TRIM51: variants seen among roughly 807,000 people sequenced by gnomAD.
TRIM51 encodes the protein tripartite motif-containing 51, also known as tripartite motif-containing protein 51.
Under a neutral mutation model 32.7 loss-of-function variants are expected in TRIM51, and 23 were observed. The ratio of observed to expected loss-of-function variants is 0.70; its 90% CI spans 0.51 to 1.00. The LOEUF (loss-of-function observed/expected upper bound fraction) is 1.00, where lower values mean the gene tolerates loss of function less well. TRIM51 is among the 50% of genes least tolerant of loss of function. The pLI, the probability that TRIM51 is intolerant of heterozygous loss-of-function variation, is 0.00. For synonymous variants in TRIM51, 177 were observed against 181.9 expected, an observed-to-expected ratio of 0.97 and a Z score of 0.22; for missense variants, 592 against 539.2, an observed-to-expected ratio of 1.10 and a Z score of -0.97.
chr11:55,884,182 T>TATATATATATATATAC lies in TRIM51; in HGVS notation c.-5+799_-5+800insTATATATATATATACA, dbSNP rs1458218535. On this transcript the variant is annotated intron_variant, in intron 1 of 6. Coordinates refer to ENST00000449290, the MANE Select transcript of TRIM51 (RefSeq NM_032681.4). ...CTATATATATATATATATATATATA[T>TATATATATATATATAC]ACACATACCAAAAATACTTACAATT... Among the ~76,000 whole-genome samples the TATATATATATATATAC allele has an allele frequency of 1.4e-3, 152 of 110,092 alleles. 1 individual carries two copies. Among genetic ancestry groups the TATATATATATATATAC allele is most frequent in the Non-Finnish European group, 2.2e-3 (118 of 53,572 alleles). The allele number at this position is 110,092 out of a possible 152,430, so 72.2% of individuals were successfully genotyped here.
intron 6 of TRIM51, among the ~76,000 whole-genome samples, chr11:55,890,350 G>T (rs1006062717): frequency 6.6e-6 from 1 of 152,020 alleles, no homozygotes; most frequent in Non-Finnish European, 1.5e-5. Flanking sequence ...ATAATCCAAG[G>T]TTACATAAAA....
chr11:55,884,509 A>C (rs986808172), intron 1 of TRIM51, among the ~76,000 whole-genome samples: 2 of 151,936 alleles, frequency 1.3e-5, no homozygotes, highest in Non-Finnish European at 2.9e-5. Flanking sequence ...AATCAGCTTC[A>C]GGAGAAAGAG....
At position 55,885,647 on chromosome 11, in the gene TRIM51, G is replaced by A; in HGVS notation, c.219G>A (p.Met73Ile). Reference protein sequence around the residue: ...NLNTDICLKNMAFIARKASLR... With the variant: ...NLNTDICLKNIAFIARKASLR... ...ACACTGACATTTGTTTGAAGAACAT[G>A]GCTTTCATTGCCAGAAAAGCCAGCC... Residue 73 changes from methionine to isoleucine, a missense_variant, in exon 2 of 7, where the codon ATG (methionine) becomes ATA (isoleucine). Coordinates refer to ENST00000449290, the MANE Select transcript of TRIM51 (RefSeq NM_032681.4). 6.2e-7 allele frequency: 1 copy of A among 1,610,656 alleles called. No individual in the cohort carries two copies. Among genetic ancestry groups the A allele is most frequent in the African/African-American group, 1.3e-5 (1 of 74,918 alleles).
chr11:55,888,208 A>G lies in TRIM51; in HGVS notation c.684A>G (p.Gly228=). ...AACATTCCAGGGAGCTTTTAAGAGG[A>G]ATGTATGAGGATCTGAAGCAAATGT... ...RMEHSRELLR[G]MYEDLKQMCH... The change falls in exon 4 of 7, where the codon GGA becomes GGG. Residue 228 remains glycine (G), a synonymous_variant. Transcript: ENST00000449290. 1 of 1,613,646 alleles carries G rather than the reference A, an allele frequency of 6.2e-7. No homozygotes were observed. Among genetic ancestry groups the G allele is most frequent in the Non-Finnish European group, 8.5e-7 (1 of 1,179,642 alleles).
chr11:55,890,030 G>A lies in TRIM51; in HGVS notation c.850G>A (p.Gly284Arg). ...CACTGGACTGCTGGACAGCCTCAGT[G>A]GATTCAGAGGTGAGTGTCAGCCCAT... The part of the protein sequence containing the change: ...PITGLLDSLS[G>R]FRVDFTLQPE... Residue 284 changes from glycine (G) to arginine (R), a missense_variant, in exon 6 of 7, where the codon GGA (glycine) becomes AGA (arginine). Transcript: ENST00000449290. 6.2e-7 allele frequency: 1 copy of A among 1,611,858 alleles called. No individual in the cohort carries two copies. The highest frequency in any genetic ancestry group is 8.5e-7 in the Non-Finnish European group (1 of 1,178,274).
chr11:55,886,457 C>G (rs1193543544), intron 3 of TRIM51, among the ~76,000 whole-genome samples: 2 of 152,132 alleles, frequency 1.3e-5, no homozygotes, highest in African/African-American at 4.8e-5. Flanking sequence ...AAACCTATAG[C>G]AATACCCCAG....
chr11:55,889,151 T>C, intron 5 of TRIM51, 150 bp downstream of exon 5: 2 of 752,272 alleles, frequency 2.7e-6, no homozygotes, highest in African/African-American at 1.8e-5. Context: ...TAGTCATCTA[T>C]TTTGTTGCCA....
At chr11:55,886,089 C>G in intron 2 of TRIM51, 34 bp from the exon 3 acceptor site, 1 of 1,587,466 alleles carries the variant, frequency 6.3e-7, no homozygotes, top group South Asian at 1.1e-5. Flanking sequence ...CTTTATTGTC[C>G]TCACTTGTGC....
chr11:55,885,390 G>A (rs2134533592), intron 1 of TRIM51, 35 bp from the exon 2 acceptor site: 1 of 1,610,854 alleles, frequency 6.2e-7, no homozygotes. Flanking sequence ...CACCAACCCA[G>A]ACCCCAAAAT....
At chr11:55,887,362 A>G (rs1854590249) in intron 3 of TRIM51, among the ~76,000 whole-genome samples, 1 of 151,748 alleles carries the variant, frequency 6.6e-6, no homozygotes, top group Admixed American at 6.6e-5. Flanking sequence ...ACACAGATAC[A>G]CATATATATT....
chr11:55,886,231 T>A lies in TRIM51; in HGVS notation c.507+13T>A. 6.3e-7 allele frequency: 1 copy of A among 1,597,666 alleles called. No individual in the cohort carries two copies. The highest frequency in any genetic ancestry group is 8.6e-7 in the Non-Finnish European group (1 of 1,165,598). On this transcript the variant is annotated intron_variant, in intron 3 of 6. Transcript: ENST00000449290. ...CAGATGCTGGAAGGTTAGTACCGTA[T>A]GACTCTACCTTCTCCGGGAACTTAT... is the stretch of plus-strand genomic sequence containing the variant.
chr11:55,891,271 C>T lies in TRIM51; in HGVS notation c.998C>T (p.Ala333Val), dbSNP rs151088179. ...GKSECFLVWG[A>V]QAFTSGKYYW... The stretch of plus-strand genomic sequence containing the variant: ...TCTGAATGTTTTCTTGTATGGGGGG[C>T]TCAGGCTTTCACATCTGGCAAATAT... Residue 333 changes from alanine (A) to valine (V), a missense_variant, in exon 7 of 7, where the codon GCT (alanine) becomes GTT (valine). Ala to Val is a moderately conservative substitution (Grantham distance 64). Coordinates refer to ENST00000449290, the MANE Select transcript of TRIM51 (RefSeq NM_032681.4). 1.4e-4 allele frequency: 233 copies of T among 1,609,542 alleles called. 2 individuals are homozygous for T. In the African/African-American group the frequency reaches 2.1e-3, roughly 14 times the overall value.
intron 1 of TRIM51, among the ~76,000 whole-genome samples, chr11:55,884,816 G>T (rs1854553922): frequency 6.6e-6 from 1 of 151,902 alleles, no homozygotes; most frequent in Admixed American, 6.6e-5. Context: ...GCCCAAAGAA[G>T]AAGTTAATTT....
rs113314326 is a variant in TRIM51, at chr11:55,885,557, G to T, written c.129G>T (p.Trp43Cys). 3.7e-6 allele frequency: 6 copies of T among 1,611,916 alleles called. 1 individual carries two copies. In the African/African-American group the frequency reaches 6.7e-5, roughly 18 times the overall value. ...GCCGGCCCTGTTTGTACCTCAACTG[G>T]CAAGACACGGCAGTTCTTGCTCAGT... Reference protein sequence around the residue: ...SFCRPCLYLNWQDTAVLAQCS... With the variant: ...SFCRPCLYLNCQDTAVLAQCS... The change falls in exon 2 of 7, where the codon TGG becomes TGT. Residue 43 changes from tryptophan (W) to cysteine (C), a missense_variant. Transcript: ENST00000449290.
intron 1 of TRIM51, among the ~76,000 whole-genome samples, chr11:55,884,885 C>G (rs981747014): frequency 6.6e-6 from 1 of 151,774 alleles, no homozygotes; most frequent in Non-Finnish European, 1.5e-5. Context: ...CCTAGTGATC[C>G]TAGACTGGTT....
chr11:55,891,109 A>G (rs747753311), intron 6 of TRIM51, 24 bp from the exon 7 acceptor site: 29 of 1,563,602 alleles, frequency 1.9e-5, no homozygotes, highest in Non-Finnish European at 2.5e-5. Context: ...ATGTATCTAT[A>G]TTTTTTAAAA....
In TRIM51 at chr11:55,888,086, G is replaced by A. The variant is rs183699116; in HGVS notation, c.562G>A (p.Ala188Thr). Reference sequence around the variant, plus strand: ...CAGAGCTGAATATCAGAAGATGCCTGCATTTCTCCATGAAGAAGAGCAACA... The same window carrying A: ...CAGAGCTGAATATCAGAAGATGCCTACATTTCTCCATGAAGAAGAGCAACA... ...AIRAEYQKMPAFLHEEEQHHL... is the reference protein window; with the variant it reads ...AIRAEYQKMPTFLHEEEQHHL... Residue 188 changes from alanine (A) to threonine (T), a missense_variant, in exon 4 of 7, where the codon GCA becomes ACA. Ala to Thr is a moderately conservative substitution (Grantham distance 58). Coordinates refer to ENST00000449290, the MANE Select transcript of TRIM51 (RefSeq NM_032681.4). The A allele has an allele frequency of 1.8e-4, 295 of 1,613,608 alleles. 4 individuals carry two copies. In the East Asian group the frequency reaches 6.5e-3, roughly 36 times the overall value.
At position 55,891,239 on chromosome 11, in the gene TRIM51, T is replaced by C. The variant is rs1283652952; in HGVS notation, c.966T>C (p.Thr322=). The change falls in exon 7 of 7, where the codon ACT becomes ACC. Residue 322 remains threonine (T), a synonymous_variant. Transcript: ENST00000449290. ...ACCCTCAAGATGATCCCGATATCAC[T>C]GGAAAATCTGAATGTTTTCTTGTAT... ...GCDPQDDPDI[T]GKSECFLVWG... The C allele has an allele frequency of 6.2e-7, 1 of 1,606,982 alleles. No homozygotes were observed. The highest frequency in any genetic ancestry group is 1.1e-5 in the South Asian group (1 of 91,076).
chr11:55,884,154 T>C (rs957678106), intron 1 of TRIM51, among the ~76,000 whole-genome samples: 4 of 82,478 alleles, frequency 4.8e-5, no homozygotes, highest in Non-Finnish European at 9.0e-5. Flanking sequence ...TACATAACTA[T>C]AACTATATAT....
Sources: gnomAD v4.1 joint callset for allele counts (sites outside exome capture counted in the v4.1 genomes callset) on GRCh38, gnomAD v4.1.1 for gene constraint, MANE v1.5 for transcripts, NCBI Gene and HGNC (gene_info 2026-07-23, HGNC 2026-07-21) for gene names.